The following SEPTIN6 variants were observed in gnomAD, a reference collection of about 807,000 sequenced individuals.
SEPTIN6 encodes the protein septin-6.
In SEPTIN6, 8 loss-of-function variants were observed where a neutral mutation model predicts 33.6. That is an observed-to-expected ratio of 0.24 (90% CI 0.14 to 0.43). The LOEUF (loss-of-function observed/expected upper bound fraction) is 0.43, where lower values mean the gene tolerates loss of function less well. SEPTIN6 is among the 20% of genes least tolerant of loss of function. The probability of loss-of-function intolerance (pLI) is 1.00; values close to 1 mark genes in which losing one functional copy is unlikely to be tolerated. For synonymous variants in SEPTIN6, 131 were observed against 140.0 expected, an observed-to-expected ratio of 0.94 and a Z score of 0.45; for missense variants, 250 against 340.8, an observed-to-expected ratio of 0.73 and a Z score of 2.10.
chrX:119,660,325 AG>A (rs1303363363), intron 3 of SEPTIN6, among the ~76,000 whole-genome samples: 3 of 112,679 alleles, frequency 2.7e-5, no homozygotes, highest in Non-Finnish European at 5.6e-5. Flanking sequence ...TGGCCCTAAC[AG>A]CATGAAGAAA....
intron 3 of SEPTIN6, among the ~76,000 whole-genome samples, chrX:119,661,985 G>A (rs755176028): frequency 9.8e-5 from 11 of 111,967 alleles, no homozygotes; most frequent in South Asian, 3.7e-4. Context: ...TGATCTGCCC[G>A]CCTCGGCCTC....
At chrX:119,640,617 A>G (rs757947877) in intron 6 of SEPTIN6, 75 bp downstream of exon 6, 2 of 845,532 alleles carry the variant, frequency 2.4e-6, no homozygotes, top group East Asian at 3.1e-5. Context: ...AACTTGTCAT[A>G]TAGTGGCTGG....
chrX:119,690,060 T>C (rs2055137175), intron 1 of SEPTIN6, among the ~76,000 whole-genome samples: 1 of 111,494 alleles, frequency 9.0e-6, no homozygotes, highest in Admixed American at 9.6e-5. Context: ...GCCTGCTACC[T>C]TTTTTTGTCC....
intron 3 of SEPTIN6, among the ~76,000 whole-genome samples, chrX:119,655,283 T>G (rs1001431980): frequency 7.3e-5 from 8 of 110,081 alleles, no homozygotes; most frequent in Non-Finnish European, 1.3e-4. Flanking sequence ...GTCTTATTCA[T>G]CTCTGTATCC....
At chrX:119,670,254 T>C (rs1226336037) in intron 2 of SEPTIN6, among the ~76,000 whole-genome samples, 1 of 111,425 alleles carries the variant, frequency 9.0e-6, no homozygotes, top group Non-Finnish European at 1.9e-5. Flanking sequence ...CTCATGTGCC[T>C]AGTCCTCTAA....
chrX:119,620,569 T>C (rs7062368), intron 10 of SEPTIN6, among the ~76,000 whole-genome samples: 1,964 of 109,925 alleles, frequency 0.018, 53 homozygotes, highest in African/African-American at 0.06. Flanking sequence ...TCTGCCCGCC[T>C]TGGCCTCCCA....
intron 1 of SEPTIN6, among the ~76,000 whole-genome samples, chrX:119,675,994 T>C (rs1603349878): frequency 9.1e-6 from 1 of 110,459 alleles, no homozygotes; most frequent in East Asian, 2.8e-4. Context: ...AGGTTAAATC[T>C]CCACTCAGTC....
intron 9 of SEPTIN6, among the ~76,000 whole-genome samples, chrX:119,626,318 T>C (rs1417584363): frequency 8.9e-6 from 1 of 111,796 alleles, no homozygotes; most frequent in Admixed American, 9.5e-5. Flanking sequence ...GAACTTTTAC[T>C]GAACATCTGA....
intron 7 of SEPTIN6, 96 bp downstream of exon 7, chrX:119,636,931 G>A (rs1056906587): frequency 9.8e-7 from 1 of 1,018,790 alleles, no homozygotes; most frequent in Non-Finnish European, 1.3e-6. Context: ...CCCGTGTCTC[G>A]CCTCCCCTGT....
rs761281823 is a variant in SEPTIN6, at chrX:119,649,992, A to G, written c.635T>C (p.Ile212Thr). 4 of 1,211,786 alleles carry G rather than the reference A, an allele frequency of 3.3e-6. No individual in the cohort carries two copies. The highest frequency in any genetic ancestry group is 3.5e-5 in the South Asian group (2 of 57,010). Residue 212 changes from isoleucine to threonine, a missense_variant, in exon 5 of 11, where the codon ATC becomes ACC. By Grantham distance (89) the Ile-to-Thr change is moderately conservative. Around this residue, in one of 2 missense-constraint regions of SEPTIN6, gnomAD observed 139 missense variants for 227.0 expected, o/e 0.61. Coordinates refer to ENST00000394610, the MANE Select transcript of SEPTIN6 (RefSeq NM_145799.4). ...TSELVSNGVQ[I>T]YQFPTDDESV... Reference sequence around the variant, plus strand: ...CTCATCATCTGTAGGAAACTGATAGATCTGGACTCCGTTGCTGACAAGCTC... The same window carrying G: ...CTCATCATCTGTAGGAAACTGATAGGTCTGGACTCCGTTGCTGACAAGCTC...
At chrX:119,626,026 T>G (rs2053851485) in intron 9 of SEPTIN6, among the ~76,000 whole-genome samples, 1 of 112,176 alleles carries the variant, frequency 8.9e-6, no homozygotes, top group Non-Finnish European at 1.9e-5. Context: ...TTCCAGAAGT[T>G]AACAAATTGC....
chrX:119,619,941 G>A lies in SEPTIN6; in HGVS notation c.*152C>T. 8.5e-7 allele frequency: 1 copy of A among 1,173,557 alleles called. No homozygotes were observed. The highest frequency in any genetic ancestry group is 2.7e-5 in the Admixed American group (1 of 36,786). ...TTCTATAAACCTTGGCAGGAAGAGA[G>A]GAGAGGGCGCGGGTTGGATTGTATG... On this transcript the variant is annotated 3_prime_UTR_variant, in exon 11 of 11. Coordinates refer to ENST00000394610, the MANE Select transcript of SEPTIN6 (RefSeq NM_145799.4).
chrX:119,633,050 T>C (rs1023981320), intron 8 of SEPTIN6, among the ~76,000 whole-genome samples: 2 of 112,827 alleles, frequency 1.8e-5, no homozygotes, highest in Non-Finnish European at 3.7e-5. Context: ...CCATGGTGTA[T>C]ATGTACCACA....
intron 4 of SEPTIN6, among the ~76,000 whole-genome samples, chrX:119,650,596 G>T (rs976768151): frequency 1.2e-4 from 13 of 111,320 alleles, no homozygotes; most frequent in African/African-American, 4.2e-4. Flanking sequence ...GCTGACAGGG[G>T]AGAGGTGGCC....
intron 3 of SEPTIN6, among the ~76,000 whole-genome samples, chrX:119,659,145 T>C (rs889417363): frequency 8.9e-6 from 1 of 112,032 alleles, no homozygotes; most frequent in Non-Finnish European, 1.9e-5. Flanking sequence ...TTTTTGTGAA[T>C]GGTGTTTGTG....
At chrX:119,625,226 C>T in intron 10 of SEPTIN6, 109 bp downstream of exon 10, 1 of 542,538 alleles carries the variant, frequency 1.8e-6, no homozygotes, top group Non-Finnish European at 3.2e-6. Context: ...CCAGCTAGAC[C>T]AATGAAGCAG....
chrX:119,642,374 A>AT (rs1223470768), intron 5 of SEPTIN6, among the ~76,000 whole-genome samples: 1 of 110,433 alleles, frequency 9.1e-6, no homozygotes, highest in East Asian at 2.8e-4. Flanking sequence ...TTTACATGGC[A>AT]TTGTCTCACT....
chrX:119,647,841 C>T (rs1036500506), intron 5 of SEPTIN6, among the ~76,000 whole-genome samples: 30 of 107,704 alleles, frequency 2.8e-4, no homozygotes, highest in Non-Finnish European at 2.7e-4. Flanking sequence ...TTACTAGAGA[C>T]GGGGTTTCTC....
At chrX:119,635,212 T>C (rs2054043246) in intron 7 of SEPTIN6, 4 of 301,599 alleles carry the variant, frequency 1.3e-5, no homozygotes. Flanking sequence ...AGACACATGC[T>C]TAAGAGGGCA....
Sources: allele counts gnomAD v4.1 joint callset (sites outside exome capture counted in the v4.1 genomes callset), GRCh38; gene constraint gnomAD v4.1.1; regional missense constraint gnomAD v4.1.1; transcripts MANE v1.5; gene names NCBI Gene and HGNC (gene_info 2026-07-23, HGNC 2026-07-21).